Variants in SYT1 observed in about 807,000 individuals in gnomAD.
SYT1 encodes the protein synaptotagmin 1.
In SYT1, 8 loss-of-function variants were observed where a neutral mutation model predicts 44.8. The observed-to-expected ratio is 0.18, with a 90% confidence interval of 0.10 to 0.32. The LOEUF is 0.32. Ranked by LOEUF, SYT1 falls within the 10% of genes least tolerant of loss-of-function variation. SYT1 has a pLI of 1.00. For missense variants in SYT1, 286 were observed against 509.3 expected, an observed-to-expected ratio of 0.56 and a Z score of 4.22; for synonymous variants, 154 against 188.8, an observed-to-expected ratio of 0.82 and a Z score of 1.51.
At chr12:79,287,012 T>A (rs1439839380) in intron 5 of SYT1, among the ~76,000 whole-genome samples, 1 of 152,136 alleles carries the variant, frequency 6.6e-6, no homozygotes, top group Non-Finnish European at 1.5e-5. Context: ...TTAAGAACAA[T>A]TTAATCAGGT....
At chr12:79,094,989 T>C (rs17046367) in intron 3 of SYT1, among the ~76,000 whole-genome samples, 5,171 of 152,012 alleles carry the variant, frequency 0.034, 176 homozygotes, top group South Asian at 0.11. Context: ...GTACAACCCA[T>C]ATTTCTGTCC....
intron 9 of SYT1, among the ~76,000 whole-genome samples, chr12:79,381,808 G>A (rs1366646335): frequency 6.6e-6 from 1 of 152,152 alleles, no homozygotes; most frequent in East Asian, 1.9e-4. Flanking sequence ...TCTACATCTT[G>A]TTAGGATAGG....
At chr12:79,122,239 G>A (rs924033073) in intron 3 of SYT1, among the ~76,000 whole-genome samples, 1 of 152,094 alleles carries the variant, frequency 6.6e-6, no homozygotes, top group Non-Finnish European at 1.5e-5. Context: ...TTCAGGCCGG[G>A]CGCGGTGGCT....
chr12:78,950,561 G>A (rs1310671784), intron 1 of SYT1, among the ~76,000 whole-genome samples: 1 of 152,008 alleles, frequency 6.6e-6, no homozygotes, highest in African/African-American at 2.4e-5. Flanking sequence ...TACAGTAGAA[G>A]ACAATATGTT....
At chr12:79,121,376 TTGTC>T (rs755905689) in intron 3 of SYT1, among the ~76,000 whole-genome samples, 6 of 152,322 alleles carry the variant, frequency 3.9e-5, no homozygotes, top group African/African-American at 9.6e-5. Context: ...AAAGTTTTCT[TTGTC>T]TGTCAGGTTT....
At chr12:79,378,285 G>A (rs2136065937) in intron 9 of SYT1, among the ~76,000 whole-genome samples, 1 of 152,172 alleles carries the variant, frequency 6.6e-6, no homozygotes, top group East Asian at 1.9e-4. Flanking sequence ...GGATAAATTT[G>A]GAAACCTTCC....
chr12:79,418,745 A>G (rs577471928), intron 9 of SYT1, among the ~76,000 whole-genome samples: 5 of 152,342 alleles, frequency 3.3e-5, no homozygotes, highest in South Asian at 2.1e-4. Context: ...GAACTTGACA[A>G]GAAAGGCCAG....
intron 8 of SYT1, among the ~76,000 whole-genome samples, chr12:79,301,111 G>A (rs1487464302): frequency 6.6e-6 from 1 of 151,696 alleles, no homozygotes; most frequent in African/African-American, 2.4e-5. Flanking sequence ...AAATTTTTTG[G>A]GTGATAAAGT....
chr12:78,964,975 T>C (rs1036865065), intron 1 of SYT1, among the ~76,000 whole-genome samples: 8 of 151,984 alleles, frequency 5.3e-5, no homozygotes, highest in Non-Finnish European at 1.2e-4. Context: ...TAATATTTTA[T>C]TATTAACTAT....
intron 2 of SYT1, among the ~76,000 whole-genome samples, chr12:78,983,641 T>A (rs1182065645): frequency 3.3e-5 from 5 of 152,076 alleles, no homozygotes; most frequent in Non-Finnish European, 5.9e-5. Flanking sequence ...AACAGGATAG[T>A]CATTTACTTG....
At chr12:78,885,407 G>A (rs1874692573) in intron 1 of SYT1, among the ~76,000 whole-genome samples, 1 of 150,624 alleles carries the variant, frequency 6.6e-6, no homozygotes, top group Non-Finnish European at 1.5e-5. Flanking sequence ...GGAGAGAGAA[G>A]GAGGACAGGT....
chr12:79,208,767 A>G (rs1379298185), intron 3 of SYT1, among the ~76,000 whole-genome samples: 1 of 152,186 alleles, frequency 6.6e-6, no homozygotes, highest in Non-Finnish European at 1.5e-5. Flanking sequence ...CACCTCTTCA[A>G]TGTTTGTATT....
At chr12:79,197,721 G>T (rs141259179) in intron 3 of SYT1, among the ~76,000 whole-genome samples, 153 of 152,168 alleles carry the variant, frequency 1.0e-3, no homozygotes, top group African/African-American at 3.5e-3. Flanking sequence ...TTATCTTTTA[G>T]TTTGTTCAGC....
chr12:79,379,410 T>C (rs1452646011), intron 9 of SYT1, among the ~76,000 whole-genome samples: 1 of 152,156 alleles, frequency 6.6e-6, no homozygotes, highest in Non-Finnish European at 1.5e-5. Flanking sequence ...TGTGTACCAT[T>C]CCAAGGAGTC....
intron 1 of SYT1, among the ~76,000 whole-genome samples, chr12:78,901,910 A>G (rs1338073967): frequency 1.3e-5 from 2 of 152,144 alleles, no homozygotes; most frequent in East Asian, 1.9e-4. Context: ...ACTGGAAACC[A>G]TCATTCTCAG....
chr12:79,112,829 G>C (rs1879087109), intron 3 of SYT1, among the ~76,000 whole-genome samples: 1 of 151,944 alleles, frequency 6.6e-6, no homozygotes, highest in African/African-American at 2.4e-5. Context: ...CATTCCCTTT[G>C]GTACTTGTAG....
intron 3 of SYT1, among the ~76,000 whole-genome samples, chr12:79,120,839 G>A (rs755570955): frequency 5.9e-5 from 9 of 151,940 alleles, no homozygotes; most frequent in Non-Finnish European, 1.0e-4. Context: ...GCAGTTCAGT[G>A]ACTTTAATGA....
At chr12:79,001,375 A>G (rs572437622) in intron 2 of SYT1, among the ~76,000 whole-genome samples, 48 of 152,176 alleles carry the variant, frequency 3.2e-4, no homozygotes, top group Admixed American at 5.9e-4. Context: ...AGTTCCTATT[A>G]TTAATTGGAT....
chr12:79,317,064 A>G (rs1377261108), intron 8 of SYT1, among the ~76,000 whole-genome samples: 2 of 152,242 alleles, frequency 1.3e-5, no homozygotes, highest in East Asian at 3.9e-4. Flanking sequence ...GAATTCCTAA[A>G]ATAAACAATC....
Sources: allele counts gnomAD v4.1 joint callset (sites outside exome capture counted in the v4.1 genomes callset), GRCh38; gene constraint gnomAD v4.1.1; transcripts MANE v1.5; gene names NCBI Gene and HGNC (gene_info 2026-07-23, HGNC 2026-07-21).